Variants in CCDC183 observed in about 807,000 individuals in gnomAD.
CCDC183 encodes coiled-coil domain-containing protein 183.
Under a neutral mutation model 65.2 loss-of-function variants are expected in CCDC183, and 63 were observed. The observed-to-expected ratio is 0.97, with a 90% CI of 0.79 to 1.19. The LOEUF (loss-of-function observed/expected upper bound fraction) is 1.19. CCDC183 is among the 50% of genes most tolerant of loss of function. The pLI is 0.00. For missense variants in CCDC183, 769 were observed against 689.3 expected (o/e 1.12, Z -1.30); for synonymous variants, 323 against 276.5 (o/e 1.17, Z -1.67).
intron 5 of CCDC183, among the ~76,000 whole-genome samples, chr9:136,802,209 G>C (rs1043740809): frequency 1.4e-5 from 2 of 147,534 alleles, no homozygotes; most frequent in Admixed American, 1.4e-4. Flanking sequence ...CCTTCTGAAC[G>C]AGCCATCATC....
At chr9:136,799,041 G>A in intron 1 of CCDC183, 61 bp from the exon 2 acceptor site, 2 of 1,604,550 alleles carry the variant, frequency 1.2e-6, no homozygotes, top group Non-Finnish European at 1.7e-6. Context: ...CTCCCCCAGG[G>A]GATTCCAGGC....
At position 136,804,261 on chromosome 9, in the gene CCDC183, G is replaced by A. The variant is rs1305543677; in HGVS notation, c.667-241G>A. The A allele has an allele frequency of 1.2e-5, 6 of 512,230 alleles. No homozygotes were observed. The highest frequency in any genetic ancestry group is 1.1e-4 in the South Asian group (5 of 46,202). The allele number at this position is 512,230 out of a possible 1,614,324, so 31.7% of individuals were successfully genotyped here. ...GGACCTGGCCAGGAGGCAGCTGGGG[G>A]CCAGCGGCTGGAGGGCAGCAGAGCG... On this transcript the variant is annotated intron_variant, in intron 6 of 13. Coordinates refer to ENST00000338005, the MANE Select transcript of CCDC183 (RefSeq NM_001039374.5). This position sits in a 1 kb window ranked among gnomAD's most constrained non-coding sequence, Gnocchi z 4.1.
chr9:136,802,610 G>A (rs201500069), intron 5 of CCDC183, 54 bp from the exon 6 acceptor site: 280 of 1,549,336 alleles, frequency 1.8e-4, no homozygotes, highest in Middle Eastern at 1.8e-4. Flanking sequence ...ATAAAAGCTC[G>A]GGGCAACTGC....
intron 1 of CCDC183, 126 bp from the exon 2 acceptor site, chr9:136,798,976 C>A (rs1387515537): frequency 2.3e-6 from 3 of 1,305,696 alleles, no homozygotes; most frequent in East Asian, 5.0e-5. Flanking sequence ...GGGATCTTGG[C>A]CATGGAGGGG....
chr9:136,806,677 C>T lies in CCDC183; in HGVS notation c.1278+5C>T, dbSNP rs767240997. 5 of 1,613,144 alleles carry T rather than the reference C, an allele frequency of 3.1e-6. No homozygotes were observed. Among genetic ancestry groups the T allele is most frequent in the South Asian group, 2.2e-5 (2 of 91,076 alleles). On this transcript the variant is annotated splice_donor_5th_base_variant and intron_variant, in intron 11 of 13. Transcript: ENST00000338005. ...ATTAACTTGCCTGCGACCCAGGTAC[C>T]GGGAGTGAGGCTGAGCTGCCACACA...
At chr9:136,799,266 A>G in intron 2 of CCDC183, 43 bp downstream of exon 2, 1 of 1,563,554 alleles carries the variant, frequency 6.4e-7, no homozygotes. Flanking sequence ...CGAGCAGGGC[A>G]GGAGCTGAGT....
Position 136,804,083 on chromosome 9 carries a change from T to C in CCDC183, c.667-419T>C, listed in dbSNP as rs1847799139. On this transcript the variant is annotated intron_variant, in intron 6 of 13. Transcript: ENST00000338005. This position sits in a 1 kb window ranked among gnomAD's most constrained non-coding sequence, Gnocchi z 4.1. Reference sequence around the variant, plus strand: ...CCCCACTAAGCGCTGGCAACGAGAGTGGCGAGGGTGAGAGCAGTGTCTGGG... The same window carrying C: ...CCCCACTAAGCGCTGGCAACGAGAGCGGCGAGGGTGAGAGCAGTGTCTGGG... 1 of 182,632 alleles carries C rather than the reference T, an allele frequency of 5.5e-6. No homozygotes were observed. The highest frequency in any genetic ancestry group is 1.2e-5 in the Non-Finnish European group (1 of 86,064). 11.3% of individuals were successfully genotyped at this position (182,632 alleles called of 1,614,324 possible).
rs766937746 is a variant in CCDC183, at chr9:136,807,116, C to T, written c.1486+50C>T. On this transcript the variant is annotated intron_variant, in intron 13 of 13. Transcript: ENST00000338005. The stretch of plus-strand genomic sequence containing the variant: ...GGGCTGCAGGCGGGTGGCTGGAACA[C>T]AGGTCGGGGTGGCGCCGGCTCCCAT... 13 of 1,575,826 alleles carry T rather than the reference C, an allele frequency of 8.2e-6. No individual in the cohort carries two copies. In the Admixed American group the frequency reaches 1.7e-4, roughly 20 times the overall value.
rs111887165 is a variant in CCDC183, at chr9:136,802,779, A to G, written c.659A>G (p.Glu220Gly). Reference protein sequence around the residue: ...MSQDAMMITDEVKRNMRQREA... With the variant: ...MSQDAMMITDGVKRNMRQREA... ...CAAGATGCCATGATGATCACGGATG[A>G]GGTCAAGGTGAGCTCAGGGCCCAGG... Residue 220 changes from glutamate to glycine, a missense_variant, in exon 6 of 14, where the codon GAG becomes GGG. Physicochemically the swap from Glu to Gly is moderately conservative, Grantham distance 98. Transcript: ENST00000338005. 3.2e-4 allele frequency: 504 copies of G among 1,597,976 alleles called. No homozygotes were observed. The highest frequency in any genetic ancestry group is 2.2e-3 in the Middle Eastern group (13 of 5,858).
intron 5 of CCDC183, 125 bp from the exon 6 acceptor site, chr9:136,802,539 G>T (rs1588332354): frequency 1.5e-6 from 2 of 1,337,460 alleles, no homozygotes; most frequent in East Asian, 4.8e-5. Context: ...CGGGGAGTGG[G>T]GGAGGTGGCT....
At chr9:136,799,331 G>C (rs919069071) in intron 2 of CCDC183, 108 bp downstream of exon 2, 5 of 1,439,396 alleles carry the variant, frequency 3.5e-6, no homozygotes, top group Non-Finnish European at 4.6e-6. Flanking sequence ...CAATCTTTCT[G>C]GATCCAGGGG....
Position 136,800,122 on chromosome 9 carries a change from C to G in CCDC183, c.391C>G (p.Leu131Val). ...LESMQLELDSLRSQPDASKEE... is the reference protein window; with the variant it reads ...LESMQLELDSVRSQPDASKEE... ...GAGCATGCAGCTGGAGCTGGACAGC[C>G]TGCGGAGCCAGCCCGACGCCAGCAA... is the stretch of plus-strand genomic sequence containing the variant. The change falls in exon 4 of 14, where the codon CTG becomes GTG. Residue 131 changes from leucine (L) to valine (V), a missense_variant. Physicochemically the swap from Leu to Val is conservative, Grantham distance 32. Transcript: ENST00000338005. The G allele has an allele frequency of 6.6e-7, 1 of 1,513,250 alleles. No individual in the cohort carries two copies. Among genetic ancestry groups the G allele is most frequent in the Non-Finnish European group, 8.9e-7 (1 of 1,128,432 alleles). The allele number at this position is 1,513,250 out of a possible 1,614,324, so 93.7% of individuals were successfully genotyped here. A position where few individuals can be genotyped will look rare whatever the true frequency, so the allele number is the denominator to read the frequency against.
chr9:136,804,445 C>T lies in CCDC183; in HGVS notation c.667-57C>T. 2 of 1,577,502 alleles carry T rather than the reference C, an allele frequency of 1.3e-6. No individual in the cohort carries two copies. Among genetic ancestry groups the T allele is most frequent in the Non-Finnish European group, 1.7e-6 (2 of 1,162,764 alleles). On this transcript the variant is annotated intron_variant, in intron 6 of 13. Coordinates refer to ENST00000338005, the MANE Select transcript of CCDC183 (RefSeq NM_001039374.5). This position sits in a 1 kb window ranked among gnomAD's most constrained non-coding sequence, Gnocchi z 4.1. Reference sequence around the variant, plus strand: ...GCCAACCGCCCGCTGGCTTTACTGCCATTAGGGGCCTTGTTGAGACAGCTC... The same window carrying T: ...GCCAACCGCCCGCTGGCTTTACTGCTATTAGGGGCCTTGTTGAGACAGCTC...
chr9:136,806,972 C>T lies in CCDC183; in HGVS notation c.1392C>T (p.Gly464=), dbSNP rs181529490. 3.1e-6 allele frequency: 5 copies of T among 1,613,498 alleles called. No individual in the cohort carries two copies. The highest frequency in any genetic ancestry group is 4.5e-5 in the East Asian group (2 of 44,894). The change falls in exon 13 of 14, where the codon GGC becomes GGT. Residue 464 remains glycine, a splice_region_variant and synonymous_variant. Coordinates refer to ENST00000338005, the MANE Select transcript of CCDC183 (RefSeq NM_001039374.5). ...CTGAAGGGGGCTTTGCCCTGCAGGG[C>T]GACACAAAGGTGAGGGACACCCTGG... ...RVQMVSRTEE[G]DTKVRDTLES...
At position 136,804,638 on chromosome 9, in the gene CCDC183, G is replaced by C; in HGVS notation, c.792+11G>C. 1 of 1,613,562 alleles carries C rather than the reference G, an allele frequency of 6.2e-7. No individual in the cohort carries two copies. Among genetic ancestry groups the C allele is most frequent in the Non-Finnish European group, 8.5e-7 (1 of 1,179,848 alleles). On this transcript the variant is annotated intron_variant, in intron 7 of 13. Transcript: ENST00000338005. This position sits in a 1 kb window ranked among gnomAD's most constrained non-coding sequence, Gnocchi z 4.1. ...GAGAAGTACCGCCGGGTAAGCCCCA[G>C]GCCAGGGCCTGGCTGGCTGCCCATC...
intron 5 of CCDC183, among the ~76,000 whole-genome samples, chr9:136,802,416 C>A (rs1847749875): frequency 6.6e-6 from 1 of 152,224 alleles, no homozygotes; most frequent in Non-Finnish European, 1.5e-5. Context: ...CAGAGCATTT[C>A]ATCACAAACT....
rs200555293 is a variant in CCDC183, at chr9:136,805,419, G to A, written c.910G>A (p.Glu304Lys). Residue 304 changes from glutamate (E) to lysine (K), a missense_variant, in exon 9 of 14, where the codon GAG becomes AAG. Transcript: ENST00000338005. ...CCAGTCGGGCGTGACTGCTGTGGTG[G>A]AGAAGGTCAAGAGTGCTGTACGGTG... is the stretch of plus-strand genomic sequence containing the variant. ...EYQSGVTAVV[E>K]KVKSAVRCSH... 517 of 1,614,102 alleles carry A rather than the reference G, an allele frequency of 3.2e-4. No homozygotes were observed. Among genetic ancestry groups the A allele is most frequent in the Non-Finnish European group, 4.1e-4 (481 of 1,180,004 alleles).
rs780880395 is a variant in CCDC183 at position 136,804,488 on chromosome 9, C to G, written c.667-14C>G. On this transcript the variant is annotated splice_polypyrimidine_tract_variant and intron_variant, in intron 6 of 13. Transcript: ENST00000338005. This position sits in a 1 kb window ranked among gnomAD's most constrained non-coding sequence, Gnocchi z 4.1. ...GACAGCTCCCCAACCCTGTGCCCACCCGCATGTCCCCAGAGGAACATGAGG... is the reference window on the plus strand; with the variant it reads ...GACAGCTCCCCAACCCTGTGCCCACGCGCATGTCCCCAGAGGAACATGAGG... 2 of 1,610,510 alleles carry G rather than the reference C, an allele frequency of 1.2e-6. No individual in the cohort carries two copies. Among genetic ancestry groups the G allele is most frequent in the East Asian group, 4.5e-5 (2 of 44,782 alleles).
intron 11 of CCDC183, 23 bp from the exon 12 acceptor site, chr9:136,806,734 G>C: frequency 1.9e-6 from 3 of 1,613,482 alleles, no homozygotes; most frequent in East Asian, 2.2e-5. Context: ...GAGGGGAGAT[G>C]AGACCCTCCT....
Sources: gnomAD v4.1 joint callset for allele counts (sites outside exome capture counted in the v4.1 genomes callset) on GRCh38, gnomAD v4.1.1 for gene constraint, Gnocchi (gnomAD v3.1) non-coding constraint, MANE v1.5 for transcripts, NCBI Gene and HGNC (gene_info 2026-07-23, HGNC 2026-07-21) for gene names.